The following PDSS1 variants were observed in gnomAD, a reference collection of about 807,000 sequenced individuals.
The protein encoded by PDSS1 is all trans-polyprenyl-diphosphate synthase PDSS1.
In PDSS1, 43 loss-of-function variants were observed where a neutral mutation model predicts 57.5. That is an observed-to-expected ratio of 0.75 (90% CI 0.59 to 0.96). The LOEUF is 0.96. PDSS1 is among the 50% of genes least tolerant of loss of function. PDSS1 has a pLI of 0.00. For missense variants in PDSS1, 438 were observed against 527.8 expected (o/e 0.83, Z 1.67); for synonymous variants, 175 against 191.3 (o/e 0.91, Z 0.70).
At chr10:26,738,330 A>G (rs1836471924) in intron 10 of PDSS1, among the ~76,000 whole-genome samples, 3 of 152,238 alleles carry the variant, frequency 2.0e-5, no homozygotes, top group Admixed American at 2.0e-4. Context: ...CTGATGCCCA[A>G]ACCTCGCCAA....
chr10:26,709,153 G>A (rs1835338330), intron 4 of PDSS1, among the ~76,000 whole-genome samples: 1 of 152,214 alleles, frequency 6.6e-6, no homozygotes, highest in African/African-American at 2.4e-5. Flanking sequence ...CATTGTTTAT[G>A]TTCTAGCCTG....
chr10:26,720,182 G>T (rs772887446), intron 5 of PDSS1, 36 bp from the exon 6 acceptor site: 1 of 1,611,612 alleles, frequency 6.2e-7, no homozygotes, highest in Non-Finnish European at 8.5e-7. Context: ...GGTTCTAGGC[G>T]GCGTCTGTTA....
intron 8 of PDSS1, among the ~76,000 whole-genome samples, chr10:26,725,499 T>C (rs1398879532): frequency 6.6e-6 from 1 of 152,070 alleles, no homozygotes; most frequent in African/African-American, 2.4e-5. Context: ...ATGTTTTTAT[T>C]TCCAAGAAAT....
At position 26,705,222 on chromosome 10, in the gene PDSS1, CTAAA is replaced by C. The variant is rs1453402756; in HGVS notation, c.228-61_228-58del. 4 of 886,932 alleles carry C rather than the reference CTAAA, an allele frequency of 4.5e-6. No homozygotes were observed. In the African/African-American group the frequency reaches 5.0e-5, roughly 11 times the overall value. The allele number at this position is 886,932 out of a possible 1,614,324, so 54.9% of individuals were successfully genotyped here. On this transcript the variant is annotated intron_variant, in intron 3 of 11. Coordinates refer to ENST00000376215, the MANE Select transcript of PDSS1 (RefSeq NM_014317.5). ...GCTGAATTTTCCGTATCTGAGTCTACTAAATATATATGTATATAAAACTTACTTG... is the reference window on the plus strand; with the variant it reads ...GCTGAATTTTCCGTATCTGAGTCTACTATATATGTATATAAAACTTACTTG...
At chr10:26,699,348 G>C (rs1834972273) in intron 1 of PDSS1, among the ~76,000 whole-genome samples, 1 of 151,816 alleles carries the variant, frequency 6.6e-6, no homozygotes, top group Non-Finnish European at 1.5e-5. Flanking sequence ...TATTTGAAGA[G>C]ATGGGTGCAT....
chr10:26,703,197 A>G (rs1030477423), intron 2 of PDSS1, among the ~76,000 whole-genome samples: 1 of 152,218 alleles, frequency 6.6e-6, no homozygotes, highest in African/African-American at 2.4e-5. Flanking sequence ...TCCAAAGTCC[A>G]TGCTACTAAT....
At chr10:26,714,171 A>G (rs567996179) in intron 5 of PDSS1, among the ~76,000 whole-genome samples, 46 of 152,082 alleles carry the variant, frequency 3.0e-4, no homozygotes, top group Non-Finnish European at 5.7e-4. Flanking sequence ...TAAAGAACCC[A>G]GATCAAAAAA....
In PDSS1 at chr10:26,712,967, G is replaced by GT. The variant is rs1163568548; in HGVS notation, c.467+3210dup. ...AGATGCTGTGTTTTTTTGTTTTTTT[G>GT]TTTTTTTTTTTGCTTCTGAGGTATG... On this transcript the variant is annotated intron_variant, in intron 5 of 11. Transcript: ENST00000376215. Among the ~76,000 whole-genome samples the GT allele has an allele frequency of 1.5e-3, 128 of 85,172 alleles. 31 individuals carry two copies. Among genetic ancestry groups the GT allele is most frequent in the Admixed American group, 2.1e-3 (15 of 7,010 alleles). The allele number at this position is 85,172 out of a possible 152,430, so 55.9% of individuals were successfully genotyped here.
At chr10:26,717,896 T>C (rs1286365004) in intron 5 of PDSS1, 1 of 152,058 alleles carries the variant, frequency 6.6e-6, no homozygotes, top group Non-Finnish European at 1.5e-5. Context: ...TGCATTCAAC[T>C]CAAAGAAGAT....
At chr10:26,706,847 C>T (rs934143345) in intron 4 of PDSS1, among the ~76,000 whole-genome samples, 1 of 152,186 alleles carries the variant, frequency 6.6e-6, no homozygotes, top group East Asian at 1.9e-4. Context: ...AACCTCAATT[C>T]TTGCCTCCTC....
At chr10:26,745,393 A>C (rs11015261) in intron 11 of PDSS1, among the ~76,000 whole-genome samples, 9,326 of 152,274 alleles carry the variant, frequency 0.061, 424 homozygotes, top group East Asian at 0.19. Context: ...AAAGGACAAG[A>C]GCTCATAGAA....
intron 5 of PDSS1, among the ~76,000 whole-genome samples, chr10:26,714,240 A>G (rs748090967): frequency 2.0e-5 from 3 of 152,140 alleles, no homozygotes; most frequent in Admixed American, 2.0e-4. Flanking sequence ...TTGGGAGGCC[A>G]AGGTGGGTGG....
At chr10:26,707,712 C>T (rs372302061) in intron 4 of PDSS1, among the ~76,000 whole-genome samples, 2 of 152,190 alleles carry the variant, frequency 1.3e-5, no homozygotes, top group Admixed American at 6.5e-5. Context: ...TCCATACTTA[C>T]GTCTCTCAAA....
chr10:26,719,026 C>T (rs1241594895), intron 5 of PDSS1, among the ~76,000 whole-genome samples: 1 of 152,100 alleles, frequency 6.6e-6, no homozygotes, highest in African/African-American at 2.4e-5. Context: ...ATGAGCATTA[C>T]CTTGTGCAGA....
At chr10:26,717,039 G>A (rs1251315308) in intron 5 of PDSS1, among the ~76,000 whole-genome samples, 2 of 152,164 alleles carry the variant, frequency 1.3e-5, no homozygotes, top group African/African-American at 2.4e-5. Flanking sequence ...AGCAGTGGCA[G>A]CATTTCCCAG....
chr10:26,742,561 G>T lies in PDSS1; in HGVS notation c.1091G>T (p.Arg364Leu). The T allele has an allele frequency of 6.2e-7, 1 of 1,608,152 alleles. No homozygotes were observed. ...TTGCCTGGAGATGTAGACAGAGCTC[G>T]ACAGTATGTACTACAGGTAAGACTG... ...FSLPGDVDRA[R>L]QYVLQSDGVQ... The change falls in exon 11 of 12, where the codon CGA becomes CTA. Residue 364 changes from arginine (R) to leucine (L), a missense_variant. By Grantham distance (102) the Arg-to-Leu change is moderately radical. This residue lies in a region of PDSS1 where 284 missense variants were observed against 390.7 expected (regional missense o/e 0.73). Transcript: ENST00000376215.
At chr10:26,723,615 C>A (rs2132268481) in intron 6 of PDSS1, among the ~76,000 whole-genome samples, 191 bp from the exon 7 acceptor site, 1 of 152,302 alleles carries the variant, frequency 6.6e-6, no homozygotes, top group South Asian at 2.1e-4. Flanking sequence ...GAGAGCCAGT[C>A]CAGTTCAAAC....
At chr10:26,703,289 G>A (rs952448019) in intron 2 of PDSS1, among the ~76,000 whole-genome samples, 3 of 151,992 alleles carry the variant, frequency 2.0e-5, no homozygotes, top group Admixed American at 2.0e-4. Context: ...CAGATTAGGG[G>A]TCTATAACTG....
intron 2 of PDSS1, among the ~76,000 whole-genome samples, chr10:26,704,371 A>G (rs1387135827): frequency 6.6e-6 from 1 of 152,140 alleles, no homozygotes; most frequent in Non-Finnish European, 1.5e-5. Flanking sequence ...ATGGAAGGAA[A>G]TTGTTTTAAA....
Sources: allele counts gnomAD v4.1 joint callset (sites outside exome capture counted in the v4.1 genomes callset), GRCh38; gene constraint gnomAD v4.1.1; regional missense constraint gnomAD v4.1.1; transcripts MANE v1.5; gene names NCBI Gene and HGNC (gene_info 2026-07-23, HGNC 2026-07-21).